Variants in AVL9 observed in about 807,000 individuals in gnomAD.
The protein encoded by AVL9 is late secretory pathway protein AVL9 homolog.
Under a neutral mutation model 79.2 loss-of-function variants are expected in AVL9, and 49 were observed. The observed-to-expected ratio is 0.62, with a 90% confidence interval of 0.49 to 0.79. The LOEUF (loss-of-function observed/expected upper bound fraction) is 0.79, where lower values mean the gene tolerates loss of function less well. Ranked by LOEUF, AVL9 falls within the 30% of genes least tolerant of loss-of-function variation. AVL9 has a pLI of 0.00. For synonymous variants in AVL9, 299 were observed against 280.6 expected, an observed-to-expected ratio of 1.07 and a Z score of -0.65; for missense variants, 682 against 776.8, an observed-to-expected ratio of 0.88 and a Z score of 1.45.
intron 1 of AVL9, among the ~76,000 whole-genome samples, chr7:32,520,588 G>C (rs1315621724): frequency 2.6e-5 from 4 of 152,210 alleles, no homozygotes; most frequent in African/African-American, 9.6e-5. Flanking sequence ...GAGCACCCCA[G>C]ATGAAGCAGT....
chr7:32,534,138 A>G (rs1788790125), intron 1 of AVL9: 1 of 152,148 alleles, frequency 6.6e-6, no homozygotes, highest in Admixed American at 6.5e-5. Flanking sequence ...ATTTAGAAAA[A>G]TTGCTTTTTT....
At chr7:32,510,086 AGG>A (rs1787591532) in intron 1 of AVL9, among the ~76,000 whole-genome samples, 7 of 152,258 alleles carry the variant, frequency 4.6e-5, no homozygotes, top group Admixed American at 2.0e-4. Flanking sequence ...CCCCAGGAGG[AGG>A]GAAGCCATCT....
chr7:32,531,610 C>T (rs947973393), intron 1 of AVL9: 1 of 152,092 alleles, frequency 6.6e-6, no homozygotes, highest in Non-Finnish European at 1.5e-5. Flanking sequence ...CTCAACTCCT[C>T]GCAGGAGGGA....
At chr7:32,549,771 TTAGCC>T (rs1381065293) in intron 4 of AVL9, among the ~76,000 whole-genome samples, 1 of 85,828 alleles carries the variant, frequency 1.2e-5, no homozygotes, top group Non-Finnish European at 2.6e-5. Context: ...AAAAAAAAAA[TTAGCC>T]AGGCACGGTG....
chr7:32,516,694 A>G (rs1041126365), intron 1 of AVL9, among the ~76,000 whole-genome samples: 3 of 151,158 alleles, frequency 2.0e-5, no homozygotes, highest in Non-Finnish European at 4.4e-5. Context: ...AAAATGACTC[A>G]GTGGATAACA....
intron 10 of AVL9, among the ~76,000 whole-genome samples, chr7:32,564,885 G>C (rs1242568255): frequency 6.6e-6 from 1 of 152,160 alleles, no homozygotes; most frequent in Non-Finnish European, 1.5e-5. Context: ...ATTTGTGCCT[G>C]TGTAATATTT....
chr7:32,573,310 C>T lies in AVL9; in HGVS notation c.1462C>T (p.Arg488Trp), dbSNP rs117025770. 6.1e-5 allele frequency: 99 copies of T among 1,613,818 alleles called. No individual in the cohort carries two copies. Among genetic ancestry groups the T allele is most frequent in the Non-Finnish European group, 8.0e-5 (94 of 1,179,984 alleles). ...DYLVRHVTENRDDVFLDGTGW... is the reference protein window; with the variant it reads ...DYLVRHVTENWDDVFLDGTGW... ...CCTAGTGAGGCACGTGACTGAGAAT[C>T]GGGATGACGTCTTCCTAGATGGCAC... is the stretch of plus-strand genomic sequence containing the variant. The change falls in exon 12 of 16, where the codon CGG becomes TGG. Residue 488 changes from arginine to tryptophan, a missense_variant. Physicochemically the swap from Arg to Trp is moderately radical, Grantham distance 101. Coordinates refer to ENST00000318709, the MANE Select transcript of AVL9 (RefSeq NM_015060.3).
chr7:32,576,184 T>A, intron 13 of AVL9, 112 bp downstream of exon 13: 2 of 725,176 alleles, frequency 2.8e-6, no homozygotes, highest in Admixed American at 2.5e-5. Context: ...AAGAATCCCC[T>A]TAAGTAGGTC....
At chr7:32,579,952 C>T (rs1256481341) in intron 13 of AVL9, among the ~76,000 whole-genome samples, 2 of 151,826 alleles carry the variant, frequency 1.3e-5, no homozygotes, top group Non-Finnish European at 2.9e-5. Context: ...CAGGATAGCA[C>T]TAAAACAGGC....
At position 32,584,806 on chromosome 7, in the gene AVL9, A is replaced by C. The variant is rs1274298402; in HGVS notation, c.*899A>C. ...GGGGGGGGGGGCGGGGTCTCACTCT[A>C]TCGCCCAGGCTGGAGTGCAGTGGTG... On this transcript the variant is annotated 3_prime_UTR_variant, in exon 16 of 16. Coordinates refer to ENST00000318709, the MANE Select transcript of AVL9 (RefSeq NM_015060.3). 4.1e-5 allele frequency: 4 copies of C among 98,324 alleles called. No individual in the cohort carries two copies. In the Admixed American group the frequency reaches 6.3e-4, roughly 16 times the overall value. 6.1% of individuals were successfully genotyped at this position (98,324 alleles called of 1,614,324 possible).
intron 1 of AVL9, chr7:32,532,454 C>T (rs1007366887): frequency 1.3e-5 from 2 of 152,218 alleles, no homozygotes; most frequent in African/African-American, 4.8e-5. Flanking sequence ...CCTAGAATAT[C>T]TCTACCTCCA....
intron 1 of AVL9, chr7:32,531,778 T>C (rs898028081): frequency 3.3e-5 from 5 of 152,504 alleles, no homozygotes; most frequent in African/African-American, 1.2e-4. Flanking sequence ...AAGCGAGCGC[T>C]TTTGGACACC....
chr7:32,542,543 G>T (rs1404793181), intron 1 of AVL9, among the ~76,000 whole-genome samples: 1 of 152,128 alleles, frequency 6.6e-6, no homozygotes, highest in Non-Finnish European at 1.5e-5. Flanking sequence ...CTGACAGAGT[G>T]AGACTGTCTC....
At chr7:32,514,637 A>G (rs970209492) in intron 1 of AVL9, among the ~76,000 whole-genome samples, 3 of 152,124 alleles carry the variant, frequency 2.0e-5, no homozygotes, top group Non-Finnish European at 2.9e-5. Context: ...AGAAGTGAAA[A>G]TGGCCGGTCC....
At chr7:32,523,736 C>CTTTTTTT (rs57458179) in intron 1 of AVL9, among the ~76,000 whole-genome samples, 7 of 125,500 alleles carry the variant, frequency 5.6e-5, no homozygotes, top group South Asian at 2.6e-4. Flanking sequence ...CTTTTCTTTT[C>CTTTTTTT]TTTTTTTTTT....
At chr7:32,513,378 TAC>T (rs534302471) in intron 1 of AVL9, among the ~76,000 whole-genome samples, 11 of 152,206 alleles carry the variant, frequency 7.2e-5, no homozygotes, top group Non-Finnish European at 1.6e-4. Flanking sequence ...AAGAAACATT[TAC>T]AGTCTATTCT....
chr7:32,556,340 C>T (rs1023044225), intron 8 of AVL9, among the ~76,000 whole-genome samples: 1 of 151,920 alleles, frequency 6.6e-6, no homozygotes, highest in Non-Finnish European at 1.5e-5. Flanking sequence ...ATGGTGAAAC[C>T]CCATCTCTAC....
chr7:32,560,081 C>T (rs899393767), intron 10 of AVL9: 1 of 151,978 alleles, frequency 6.6e-6, no homozygotes, highest in African/African-American at 2.4e-5. Flanking sequence ...GATGTGGTAA[C>T]TCGCGCCTGT....
intron 1 of AVL9, chr7:32,535,572 T>TG (rs1212698385): frequency 6.6e-6 from 1 of 152,226 alleles, no homozygotes; most frequent in Non-Finnish European, 1.5e-5. Context: ...CTCTCTCAAC[T>TG]TCTTGTTCTG....
Sources: gnomAD v4.1 joint callset for allele counts (sites outside exome capture counted in the v4.1 genomes callset) on GRCh38, gnomAD v4.1.1 for gene constraint, MANE v1.5 for transcripts, NCBI Gene and HGNC (gene_info 2026-07-23, HGNC 2026-07-21) for gene names.